The following DAGLB variants were observed in gnomAD, a reference collection of about 807,000 sequenced individuals.
DAGLB encodes diacylglycerol lipase beta.
A neutral mutation model predicts 72.1 loss-of-function variants in DAGLB; 66 were observed. That is an observed-to-expected ratio of 0.92 (90% CI 0.75 to 1.12). The LOEUF (loss-of-function observed/expected upper bound fraction) is 1.12. Among genes scored for constraint, DAGLB ranks in the 50% most tolerant of loss-of-function variants. The probability of loss-of-function intolerance (pLI) is 0.00; values close to 1 mark genes in which losing one functional copy is unlikely to be tolerated. For missense variants in DAGLB, 1,065 were observed against 884.9 expected (o/e 1.20, Z -2.58); for synonymous variants, 414 against 359.5 (o/e 1.15, Z -1.71).
chr7:6,422,015 G>A (rs750913292), intron 8 of DAGLB: 13 of 665,884 alleles, frequency 2.0e-5, no homozygotes, highest in South Asian at 3.0e-5. Context: ...TGGGCCAGGC[G>A]TGAAGGGTGG....
rs753890034 is a variant in DAGLB, at chr7:6,416,832, A to G, written c.1299+9T>C. 7.4e-6 allele frequency: 12 copies of G among 1,614,244 alleles called. No individual in the cohort carries two copies. The South Asian group carries it at 1.3e-4, about 18-fold the overall frequency. On this transcript the variant is annotated intron_variant, in intron 10 of 14. Transcript: ENST00000297056. ...AGGACAAGGAAAGAAACGTTAACTA[A>G]GATCTCACAGGAGCAATGCTGAAGG...
Position 6,432,442 on chromosome 7 carries a change from G to A in DAGLB, c.801+395C>T, listed in dbSNP as rs183426237. Among the ~76,000 whole-genome samples, 374 of 151,888 alleles carry A rather than the reference G, an allele frequency of 2.5e-3. 2 individuals are homozygous for A. The highest frequency in any genetic ancestry group is 8.3e-3 in the African/African-American group (342 of 41,422). ...GGAGGCTGAGGTGGGCAGATCATGA[G>A]GTGAAGAGATGGAGACCATCCTGGC... On this transcript the variant is annotated intron_variant, in intron 5 of 14. Transcript: ENST00000297056.
chr7:6,416,958 C>G lies in DAGLB; in HGVS notation c.1219-37G>C, dbSNP rs2115247469. The G allele has an allele frequency of 1.9e-6, 3 of 1,609,628 alleles. No homozygotes were observed. The East Asian group carries it at 6.7e-5, about 36-fold the overall frequency. On this transcript the variant is annotated intron_variant, in intron 9 of 14. Coordinates refer to ENST00000297056, the MANE Select transcript of DAGLB (RefSeq NM_139179.4). ...GACAAAGAAGGTGGCCGTTAATCCTCAGACAAGGCAGGCCCAGCAGAGACT... is the reference window on the plus strand; with the variant it reads ...GACAAAGAAGGTGGCCGTTAATCCTGAGACAAGGCAGGCCCAGCAGAGACT...
Position 6,446,096 on chromosome 7 carries a change from C to T in DAGLB, c.104G>A (p.Gly35Asp), listed in dbSNP as rs762853231. ...GTGCATGAGATACAACGTCAGAATG[C>T]CAATCCACCTGGCAAAAAAAAAAAA... ...ELVVRVLWWI[G>D]ILTLYLMHRG... is the part of the protein sequence containing the mutation. The change falls in exon 2 of 15, where the codon GGC (glycine) becomes GAC (aspartate). Residue 35 changes from glycine to aspartate, a missense_variant. By Grantham distance (94) the Gly-to-Asp change is moderately conservative. Transcript: ENST00000297056. The T allele has an allele frequency of 5.1e-6, 8 of 1,582,300 alleles. No individual in the cohort carries two copies. The East Asian group carries it at 1.8e-4, about 35-fold the overall frequency.
intron 5 of DAGLB, among the ~76,000 whole-genome samples, chr7:6,430,863 C>T (rs1272595526): frequency 6.6e-6 from 1 of 152,010 alleles, no homozygotes; most frequent in African/African-American, 2.4e-5. Flanking sequence ...GCTACCTCCG[C>T]CTCCCAGGTT....
rs960883296 is a variant in DAGLB at position 6,410,189 on chromosome 7, G to A, written c.1761C>T (p.Tyr587=). The A allele has an allele frequency of 1.3e-6, 2 of 1,599,474 alleles. No individual in the cohort carries two copies. The highest frequency in any genetic ancestry group is 1.3e-5 in the African/African-American group (1 of 74,832). Residue 587 remains tyrosine, a synonymous_variant, in exon 14 of 15, where the codon TAC becomes TAT. Transcript: ENST00000297056. ...TCCTGCCGGGAGGGTAGAGAGGGGG[G>A]TACTTGGGAGAAGAGTCCAGTGGGG... ...SDSPLDSSPK[Y]PPLYPPGRII... is the part of the protein sequence containing the mutation.
chr7:6,432,984 G>T (rs1230769578), intron 4 of DAGLB, 25 bp from the exon 5 acceptor site: 1 of 1,608,244 alleles, frequency 6.2e-7, no homozygotes, highest in Admixed American at 1.7e-5. Flanking sequence ...ACAATGGCCT[G>T]TCATAAAACC....
chr7:6,420,941 C>G (rs1583286406), intron 9 of DAGLB, among the ~76,000 whole-genome samples: 2 of 152,324 alleles, frequency 1.3e-5, no homozygotes, highest in South Asian at 4.1e-4. Flanking sequence ...TCCTGAGACC[C>G]TGGTGCGCAC....
At position 6,447,940 on chromosome 7, in the gene DAGLB, C is replaced by A. The variant is rs774810832; in HGVS notation, c.-98G>T. 9 of 1,461,504 alleles carry A rather than the reference C, an allele frequency of 6.2e-6. No individual in the cohort carries two copies. Among genetic ancestry groups the A allele is most frequent in the East Asian group, 2.6e-5 (1 of 39,026 alleles). 90.5% of individuals were successfully genotyped at this position (1,461,504 alleles called of 1,614,324 possible). On this transcript the variant is annotated 5_prime_UTR_variant, in exon 1 of 15. Coordinates refer to ENST00000297056, the MANE Select transcript of DAGLB (RefSeq NM_139179.4). The stretch of plus-strand genomic sequence containing the variant: ...GGACGCCGCCACCAAATTATCGGCG[C>A]TCAAGCGCAAACGCAGCGAGGGCGG...
Position 6,416,931 on chromosome 7 carries a change from C to A in DAGLB, c.1219-10G>T, listed in dbSNP as rs1382202391. 1.2e-6 allele frequency: 2 copies of A among 1,614,018 alleles called. No homozygotes were observed. The highest frequency in any genetic ancestry group is 1.1e-5 in the South Asian group (1 of 91,082). On this transcript the variant is annotated splice_polypyrimidine_tract_variant and intron_variant, in intron 9 of 14. Transcript: ENST00000297056. ...CAGCTTGAGAAATACCCTAAAAACA[C>A]AGACAAAGAAGGTGGCCGTTAATCC...
At chr7:6,417,096 C>G (rs937243766) in intron 9 of DAGLB, 175 bp from the exon 10 acceptor site, 1 of 690,518 alleles carries the variant, frequency 1.4e-6, no homozygotes, top group South Asian at 1.9e-5. Context: ...CCTTGCACAG[C>G]GCCTGACGTG....
In DAGLB at chr7:6,409,794, A is replaced by C; in HGVS notation, c.*43T>G. ...GATGGTAAGTCAGTTTAAGGACAAA[A>C]GCGTGAGTCCATCGTTCCTGGGACA... On this transcript the variant is annotated 3_prime_UTR_variant, in exon 15 of 15. Transcript: ENST00000297056. 1 of 1,593,844 alleles carries C rather than the reference A, an allele frequency of 6.3e-7. No homozygotes were observed. Among genetic ancestry groups the C allele is most frequent in the Non-Finnish European group, 8.6e-7 (1 of 1,168,524 alleles).
At chr7:6,415,895 T>C (rs60393857) in intron 11 of DAGLB, among the ~76,000 whole-genome samples, 4,435 of 150,660 alleles carry the variant, frequency 0.029, 223 homozygotes, top group African/African-American at 0.1. Context: ...TCTTTAAACA[T>C]GTGCATTATG....
Position 6,425,997 on chromosome 7 carries a change from G to A in DAGLB, c.1047C>T (p.Phe349=), listed in dbSNP as rs993199047. ...TCTGCAGCGTCCACACCTTGTCATG[G>A]AAGCTGACGTGGATGAAGTCCCTGT... ...LQYRDFIHVS[F]HDKVYELPFL... is the part of the protein sequence containing the mutation. The change falls in exon 7 of 15, where the codon TTC becomes TTT. Residue 349 remains phenylalanine (F), a synonymous_variant. Transcript: ENST00000297056. The A allele has an allele frequency of 6.8e-6, 11 of 1,614,124 alleles. No homozygotes were observed. The highest frequency in any genetic ancestry group is 2.2e-5 in the East Asian group (1 of 44,878).
At chr7:6,432,481 C>G (rs1784515163) in intron 5 of DAGLB, among the ~76,000 whole-genome samples, 1 of 149,198 alleles carries the variant, frequency 6.7e-6, no homozygotes, top group African/African-American at 2.5e-5. Flanking sequence ...CACGGTGAAA[C>G]CCCGTCTCTA....
At chr7:6,421,221 T>C (rs1258765708) in intron 9 of DAGLB, among the ~76,000 whole-genome samples, 2 of 152,206 alleles carry the variant, frequency 1.3e-5, no homozygotes, top group African/African-American at 4.8e-5. Context: ...CCACGCGACT[T>C]TGGGCAAGGC....
chr7:6,419,905 A>T (rs2115252803), intron 9 of DAGLB, among the ~76,000 whole-genome samples: 1 of 152,140 alleles, frequency 6.6e-6, no homozygotes, highest in Middle Eastern at 3.4e-3. Context: ...ACTTTGGGAG[A>T]CTGAGGCAAG....
chr7:6,437,902 A>C (rs1466374519), intron 2 of DAGLB, among the ~76,000 whole-genome samples: 1 of 152,230 alleles, frequency 6.6e-6, no homozygotes, highest in Non-Finnish European at 1.5e-5. Flanking sequence ...TTTGCCTCGC[A>C]AAGTGCTGGG....
chr7:6,411,323 T>TA (rs1400118060), intron 13 of DAGLB, among the ~76,000 whole-genome samples: 2 of 150,348 alleles, frequency 1.3e-5, no homozygotes, highest in Non-Finnish European at 3.0e-5. Flanking sequence ...TACTAATTTC[T>TA]AAAAAAAATT....
Sources: allele counts gnomAD v4.1 joint callset (sites outside exome capture counted in the v4.1 genomes callset), GRCh38; gene constraint gnomAD v4.1.1; transcripts MANE v1.5; gene names NCBI Gene and HGNC (gene_info 2026-07-23, HGNC 2026-07-21).